Variants in ERBB4 observed in about 807,000 individuals in gnomAD.
ERBB4 encodes the protein receptor tyrosine-protein kinase erbB-4.
ERBB4 carries 42 observed loss-of-function variants against 158.0 expected under a neutral mutation model. The observed-to-expected ratio is 0.27, with a 90% CI of 0.21 to 0.34. The LOEUF (loss-of-function observed/expected upper bound fraction) is 0.34. ERBB4 is among the 10% of genes least tolerant of loss of function. ERBB4 has a pLI of 1.00. For missense variants in ERBB4, 1,333 were observed against 1,624.1 expected (o/e 0.82, Z 3.08); for synonymous variants, 583 against 558.7 (o/e 1.04, Z -0.61).
intron 1 of ERBB4, among the ~76,000 whole-genome samples, chr2:212,303,513 C>T (rs149612824): frequency 6.6e-6 from 1 of 151,478 alleles, no homozygotes; most frequent in African/African-American, 2.4e-5. Context: ...TTTAATACTG[C>T]TTAAGCCCTG....
chr2:211,647,394 C>T (rs912270966), intron 16 of ERBB4, among the ~76,000 whole-genome samples: 1 of 151,634 alleles, frequency 6.6e-6, no homozygotes, highest in Non-Finnish European at 1.5e-5. Flanking sequence ...GATATCAACA[C>T]TTGGAGAAAC....
intron 1 of ERBB4, among the ~76,000 whole-genome samples, chr2:212,480,115 G>T (rs1011457139): frequency 6.6e-6 from 1 of 152,112 alleles, no homozygotes; most frequent in Non-Finnish European, 1.5e-5. Context: ...CTCTAGGCAA[G>T]TGAACAACCT....
chr2:211,915,931 T>A (rs999343152), intron 3 of ERBB4, among the ~76,000 whole-genome samples: 3 of 151,942 alleles, frequency 2.0e-5, no homozygotes, highest in Non-Finnish European at 4.4e-5. Context: ...TAATTCTTGA[T>A]TTCTTTGAAG....
chr2:212,215,253 T>C (rs528736998), intron 1 of ERBB4, among the ~76,000 whole-genome samples: 2 of 151,480 alleles, frequency 1.3e-5, no homozygotes, highest in South Asian at 2.1e-4. Context: ...AATGGTCAAA[T>C]TTTTCATAGA....
At chr2:211,933,241 G>C (rs899895577) in intron 3 of ERBB4, among the ~76,000 whole-genome samples, 1 of 152,084 alleles carries the variant, frequency 6.6e-6, no homozygotes, top group Admixed American at 6.6e-5. Context: ...TGAAATGACA[G>C]TGTAATGCAC....
intron 1 of ERBB4, among the ~76,000 whole-genome samples, chr2:212,523,189 T>G (rs554891144): frequency 2.6e-5 from 4 of 152,038 alleles, no homozygotes; most frequent in African/African-American, 9.6e-5. Context: ...GGCATGCATA[T>G]GTACATCTGT....
At chr2:212,037,681 A>G (rs1451825243) in intron 2 of ERBB4, among the ~76,000 whole-genome samples, 1 of 152,216 alleles carries the variant, frequency 6.6e-6, no homozygotes, top group African/African-American at 2.4e-5. Flanking sequence ...TTTGACATAA[A>G]CTTCTTATGT....
chr2:211,495,653 A>C (rs1281097604), intron 20 of ERBB4, among the ~76,000 whole-genome samples: 2 of 152,090 alleles, frequency 1.3e-5, no homozygotes, highest in African/African-American at 4.8e-5. Flanking sequence ...TACTAGGCAC[A>C]CATCAGTCCA....
rs529614538 is a variant in ERBB4, at chr2:211,974,723, C to T, written c.235-27107G>A. ...TGAGCCAAGGTCTAAGATTGTTCCA[C>T]TGCAGTCCCACATGGGTGACAAAGT... On this transcript the variant is annotated intron_variant, in intron 2 of 27. Coordinates refer to ENST00000342788, the MANE Select transcript of ERBB4 (RefSeq NM_005235.3). Among the ~76,000 whole-genome samples the T allele has an allele frequency of 3.3e-5, 5 of 152,268 alleles. No homozygotes were observed. In the East Asian group the frequency reaches 7.7e-4, roughly 24 times the overall value.
chr2:211,932,788 T>C (rs897721163), intron 3 of ERBB4, among the ~76,000 whole-genome samples: 15 of 152,038 alleles, frequency 9.9e-5, no homozygotes, highest in African/African-American at 3.4e-4. Flanking sequence ...TGGATTAAAA[T>C]GTAAATGAAC....
intron 1 of ERBB4, among the ~76,000 whole-genome samples, chr2:212,431,225 T>G (rs986088258): frequency 6.7e-6 from 1 of 149,694 alleles, no homozygotes; most frequent in Non-Finnish European, 1.5e-5. Context: ...TTGGTCTATA[T>G]TCTCATCTAA....
At chr2:211,738,114 AT>A (rs1225616408) in intron 5 of ERBB4, among the ~76,000 whole-genome samples, 1 of 152,014 alleles carries the variant, frequency 6.6e-6, no homozygotes, top group Non-Finnish European at 1.5e-5. Context: ...CTACATGGTG[AT>A]TTTTACCTAT....
At chr2:211,480,422 G>A (rs1380723970) in intron 20 of ERBB4, among the ~76,000 whole-genome samples, 6 of 152,078 alleles carry the variant, frequency 3.9e-5, no homozygotes, top group Admixed American at 1.3e-4. Flanking sequence ...GTTCTCCTTA[G>A]ATCTGGTTGT....
At chr2:212,369,191 A>T (rs1218454895) in intron 1 of ERBB4, among the ~76,000 whole-genome samples, 1 of 152,198 alleles carries the variant, frequency 6.6e-6, no homozygotes, top group Non-Finnish European at 1.5e-5. Context: ...ATAAAAAGAG[A>T]TTAATTTATT....
chr2:211,667,001 G>A (rs1328799807), intron 14 of ERBB4, among the ~76,000 whole-genome samples: 2 of 152,084 alleles, frequency 1.3e-5, no homozygotes, highest in Non-Finnish European at 2.9e-5. Context: ...TAAACCAGGA[G>A]TGTCCAGTGT....
intron 1 of ERBB4, among the ~76,000 whole-genome samples, chr2:212,401,065 G>A (rs1269162677): frequency 6.6e-6 from 1 of 152,170 alleles, no homozygotes; most frequent in Non-Finnish European, 1.5e-5. Context: ...GTATAAAAGA[G>A]TGTTCATACG....
At chr2:211,639,171 C>A (rs1046851043) in intron 16 of ERBB4, among the ~76,000 whole-genome samples, 3 of 152,062 alleles carry the variant, frequency 2.0e-5, no homozygotes, top group East Asian at 3.9e-4. Flanking sequence ...AATACAGTAA[C>A]TTTATTATTG....
chr2:212,025,337 A>T (rs1181375523), intron 2 of ERBB4, among the ~76,000 whole-genome samples: 1 of 151,842 alleles, frequency 6.6e-6, no homozygotes, highest in East Asian at 1.9e-4. Context: ...ATTTTAAAGT[A>T]TTATTCTTTG....
chr2:211,458,352 C>T (rs575310414), intron 20 of ERBB4, among the ~76,000 whole-genome samples: 1 of 152,062 alleles, frequency 6.6e-6, no homozygotes, highest in African/African-American at 2.4e-5. Context: ...CTGCAACCTC[C>T]GCCTCCCGGG....
Sources: gnomAD v4.1 joint callset for allele counts (sites outside exome capture counted in the v4.1 genomes callset) on GRCh38, gnomAD v4.1.1 for gene constraint, MANE v1.5 for transcripts, NCBI Gene and HGNC (gene_info 2026-07-23, HGNC 2026-07-21) for gene names.